The following FBXL7 variants were observed in gnomAD, a reference collection of about 807,000 sequenced individuals.
The protein encoded by FBXL7 is F-box/LRR-repeat protein 7.
FBXL7 carries 12 observed loss-of-function variants against 38.3 expected under a neutral mutation model. The ratio of observed to expected loss-of-function variants is 0.31; its 90% confidence interval spans 0.20 to 0.51. The LOEUF is 0.51. Among genes scored for constraint, FBXL7 ranks in the 20% least tolerant of loss-of-function variants. The pLI is 0.98. For synonymous variants in FBXL7, 297 were observed against 300.9 expected, an observed-to-expected ratio of 0.99 and a Z score of 0.13; for missense variants, 567 against 676.4, an observed-to-expected ratio of 0.84 and a Z score of 1.79.
At chr5:15,918,383 G>T (rs1741655584) in intron 2 of FBXL7, among the ~76,000 whole-genome samples, 1 of 152,164 alleles carries the variant, frequency 6.6e-6, no homozygotes, top group African/African-American at 2.4e-5. Context: ...TCTTTATTCG[G>T]ACAGAAATTT....
intron 2 of FBXL7, among the ~76,000 whole-genome samples, chr5:15,816,524 C>T (rs1324494478): frequency 6.6e-6 from 1 of 152,082 alleles, no homozygotes; most frequent in East Asian, 1.9e-4. Flanking sequence ...TTAAAAACTA[C>T]ATATTGGGTA....
chr5:15,599,498 G>C (rs1739727612), intron 1 of FBXL7, among the ~76,000 whole-genome samples: 1 of 152,114 alleles, frequency 6.6e-6, no homozygotes, highest in Non-Finnish European at 1.5e-5. Flanking sequence ...AGGTCTTTTT[G>C]GATCATGGTT....
chr5:15,575,309 T>C (rs529244195), intron 1 of FBXL7, among the ~76,000 whole-genome samples: 1 of 152,362 alleles, frequency 6.6e-6, no homozygotes, highest in Admixed American at 6.5e-5. Context: ...TGTGGACTTA[T>C]TTATTTACTT....
At chr5:15,663,183 T>G (rs1742149426) in intron 2 of FBXL7, among the ~76,000 whole-genome samples, 1 of 152,208 alleles carries the variant, frequency 6.6e-6, no homozygotes, top group Non-Finnish European at 1.5e-5. Context: ...CTTTGAGCAG[T>G]GTTTTGTAAT....
intron 2 of FBXL7, among the ~76,000 whole-genome samples, chr5:15,824,765 A>C (rs1343917137): frequency 6.6e-6 from 1 of 152,296 alleles, no homozygotes; most frequent in African/African-American, 2.4e-5. Context: ...TTTTTACACT[A>C]GATATTTGGA....
At chr5:15,595,088 G>T (rs967249712) in intron 1 of FBXL7, among the ~76,000 whole-genome samples, 2 of 152,204 alleles carry the variant, frequency 1.3e-5, no homozygotes, top group Non-Finnish European at 2.9e-5. Context: ...GCCAGCTGCA[G>T]TGTGTACAAG....
At chr5:15,920,175 T>C (rs1741700890) in intron 2 of FBXL7, among the ~76,000 whole-genome samples, 2 of 151,990 alleles carry the variant, frequency 1.3e-5, no homozygotes, top group South Asian at 4.1e-4. Context: ...GAGAATTGCT[T>C]GAACCCAGGA....
At chr5:15,531,580 C>T (rs1737432947) in intron 1 of FBXL7, among the ~76,000 whole-genome samples, 1 of 152,176 alleles carries the variant, frequency 6.6e-6, no homozygotes, top group Non-Finnish European at 1.5e-5. Context: ...CTGACTCTGG[C>T]CATAAGAGGG....
chr5:15,514,839 G>A (rs980899487), intron 1 of FBXL7, among the ~76,000 whole-genome samples: 1 of 152,152 alleles, frequency 6.6e-6, no homozygotes, highest in African/African-American at 2.4e-5. Flanking sequence ...AGGGAGCGGG[G>A]AGCCACATGC....
chr5:15,602,137 A>C (rs1198080842), intron 1 of FBXL7: 1 of 152,190 alleles, frequency 6.6e-6, no homozygotes. Flanking sequence ...GAGCCCTTGC[A>C]GGGAGCATGG....
intron 1 of FBXL7, among the ~76,000 whole-genome samples, chr5:15,589,307 G>T (rs895593080): frequency 1.3e-5 from 2 of 152,044 alleles, no homozygotes; most frequent in South Asian, 2.1e-4. Flanking sequence ...AGACTTGTGG[G>T]GGATGATTGA....
At chr5:15,927,789 AAG>A (rs1260974014) in intron 2 of FBXL7, 99 bp from the exon 3 acceptor site, 171 of 782,500 alleles carry the variant, frequency 2.2e-4, no homozygotes, top group African/African-American at 1.9e-3. Context: ...AAAAAAAAAG[AAG>A]AAGAAAGAAA....
At chr5:15,573,467 A>G (rs1738854921) in intron 1 of FBXL7, among the ~76,000 whole-genome samples, 1 of 152,228 alleles carries the variant, frequency 6.6e-6, no homozygotes, top group African/African-American at 2.4e-5. Context: ...TGATAGGTTT[A>G]GTTTGGTAAA....
intron 2 of FBXL7, among the ~76,000 whole-genome samples, chr5:15,648,574 C>T (rs1250972415): frequency 6.6e-6 from 1 of 152,208 alleles, no homozygotes; most frequent in Non-Finnish European, 1.5e-5. Flanking sequence ...ATTCACAGTG[C>T]CAAGCGGATC....
chr5:15,630,617 T>C lies in FBXL7; in HGVS notation c.127+14545T>C, dbSNP rs143429601. 7.9e-5 allele frequency among the ~76,000 whole-genome samples: 12 copies of C among 152,306 alleles called. 1 individual carries two copies. In the South Asian group the frequency reaches 2.3e-3, roughly 29 times the overall value. ...TCCTAGAAACAACCTTGGCTTCAGATTATCTTTTGCAAGTGATATTCTGTT... is the reference window on the plus strand; with the variant it reads ...TCCTAGAAACAACCTTGGCTTCAGACTATCTTTTGCAAGTGATATTCTGTT... On this transcript the variant is annotated intron_variant, in intron 2 of 3. Coordinates refer to ENST00000504595, the MANE Select transcript of FBXL7 (RefSeq NM_012304.5).
At chr5:15,901,820 A>T (rs1479496102) in intron 2 of FBXL7, among the ~76,000 whole-genome samples, 1 of 152,190 alleles carries the variant, frequency 6.6e-6, no homozygotes, top group Non-Finnish European at 1.5e-5. Flanking sequence ...TCTGGATATG[A>T]TTGCCGTGTC....
intron 1 of FBXL7, among the ~76,000 whole-genome samples, chr5:15,615,066 C>T (rs1350637352): frequency 6.6e-6 from 1 of 152,162 alleles, no homozygotes; most frequent in Non-Finnish European, 1.5e-5. Context: ...ACCATGAGGG[C>T]GTCTTAGGAA....
chr5:15,935,644 G>A (rs1742162142), intron 3 of FBXL7, among the ~76,000 whole-genome samples: 1 of 152,214 alleles, frequency 6.6e-6, no homozygotes, highest in Admixed American at 6.5e-5. Context: ...TCTTGTTCAA[G>A]GGCTACAGCA....
At chr5:15,881,156 G>T (rs929770183) in intron 2 of FBXL7, among the ~76,000 whole-genome samples, 1 of 152,102 alleles carries the variant, frequency 6.6e-6, no homozygotes, top group Non-Finnish European at 1.5e-5. Context: ...TACCCAATGT[G>T]TAGTCTTTTA....
Sources: allele counts gnomAD v4.1 joint callset (sites outside exome capture counted in the v4.1 genomes callset), GRCh38; gene constraint gnomAD v4.1.1; transcripts MANE v1.5; gene names NCBI Gene and HGNC (gene_info 2026-07-23, HGNC 2026-07-21).